The following CYTH3 variants were observed in gnomAD, a reference collection of about 807,000 sequenced individuals.
CYTH3 encodes the protein cytohesin-3.
Under a neutral mutation model 55.1 loss-of-function variants are expected in CYTH3, and 23 were observed. The observed-to-expected ratio is 0.42, with a 90% CI of 0.30 to 0.59. CYTH3 has a LOEUF of 0.59. Among genes scored for constraint, CYTH3 ranks in the 20% least tolerant of loss-of-function variants. The pLI is 0.20. For missense variants in CYTH3, 413 were observed against 524.8 expected (o/e 0.79, Z 2.08); for synonymous variants, 249 against 194.9 (o/e 1.28, Z -2.31).
At chr7:6,182,482 G>C (rs1261456260) in intron 4 of CYTH3, among the ~76,000 whole-genome samples, 1 of 152,130 alleles carries the variant, frequency 6.6e-6, no homozygotes, top group East Asian at 1.9e-4. Context: ...CCAGTAGTTG[G>C]ACTACAGGCA....
chr7:6,227,078 TAA>T (rs397755364), intron 1 of CYTH3, among the ~76,000 whole-genome samples: 8 of 112,834 alleles, frequency 7.1e-5, no homozygotes, highest in Non-Finnish European at 7.7e-5. Context: ...AGACTCTGTC[TAA>T]AAAAAAAAAA....
At chr7:6,246,574 T>A (rs543709875) in intron 1 of CYTH3, among the ~76,000 whole-genome samples, 48 of 152,234 alleles carry the variant, frequency 3.2e-4, no homozygotes, top group South Asian at 2.9e-3. Context: ...AATTTTTTTT[T>A]AAAACCATAC....
chr7:6,218,117 T>G (rs562830308), intron 1 of CYTH3, among the ~76,000 whole-genome samples: 17 of 148,944 alleles, frequency 1.1e-4, no homozygotes, highest in African/African-American at 4.2e-4. Context: ...AGGTGGGAGG[T>G]TGCAGTGAGC....
intron 1 of CYTH3, among the ~76,000 whole-genome samples, chr7:6,259,757 T>TAATATATATATATATAA (rs1554255069): frequency 5.3e-5 from 2 of 37,466 alleles, no homozygotes; most frequent in Non-Finnish European, 7.4e-5. Flanking sequence ...TATATATATA[T>TAATATATATATATATAA]TATATATATA....
At position 6,164,828 on chromosome 7, in the gene CYTH3, G is replaced by T; in HGVS notation, c.*116C>A. On this transcript the variant is annotated 3_prime_UTR_variant, in exon 13 of 13. Transcript: ENST00000350796. ...CACCTGGGCCACGGTATGCTCTGGA[G>T]CAGCAGCTTGCACCGCAGGGCGACT... 1 of 1,150,094 alleles carries T rather than the reference G, an allele frequency of 8.7e-7. No individual in the cohort carries two copies. Among genetic ancestry groups the T allele is most frequent in the Non-Finnish European group, 1.3e-6 (1 of 771,960 alleles). 71.2% of individuals were successfully genotyped at this position (1,150,094 alleles called of 1,614,324 possible).
chr7:6,201,653 T>C (rs1291571107), intron 1 of CYTH3, among the ~76,000 whole-genome samples: 1 of 152,132 alleles, frequency 6.6e-6, no homozygotes, highest in Middle Eastern at 3.2e-3. Flanking sequence ...CTGTGTAAGA[T>C]AACAACATCT....
intron 1 of CYTH3, among the ~76,000 whole-genome samples, chr7:6,196,263 C>T (rs1554359606): frequency 1.3e-5 from 2 of 151,896 alleles, no homozygotes; most frequent in Non-Finnish European, 2.9e-5. Context: ...GGAGAAGAAA[C>T]ACAAAGAAAT....
intron 1 of CYTH3, among the ~76,000 whole-genome samples, chr7:6,269,932 T>A (rs1346846228): frequency 6.6e-6 from 1 of 152,218 alleles, no homozygotes; most frequent in African/African-American, 2.4e-5. Context: ...AATAGATTAT[T>A]TACCCTATCT....
intron 5 of CYTH3, among the ~76,000 whole-genome samples, chr7:6,174,437 C>G (rs1783279626): frequency 6.6e-6 from 1 of 151,590 alleles, no homozygotes; most frequent in East Asian, 1.9e-4. Flanking sequence ...ATCTTATCAG[C>G]AATGAATAAG....
intron 4 of CYTH3, 59 bp downstream of exon 4, chr7:6,186,991 G>T: frequency 6.5e-7 from 1 of 1,540,132 alleles, no homozygotes; most frequent in Non-Finnish European, 9.0e-7. Context: ...AAGGGAAACG[G>T]CAGTTCAAAT....
rs753305450 is a variant in CYTH3, at chr7:6,237,979, G to A, written c.34+34495C>T. Among the ~76,000 whole-genome samples, 7 of 152,254 alleles carry A rather than the reference G, an allele frequency of 4.6e-5. No homozygotes were observed. The South Asian group carries it at 8.3e-4, about 18-fold the overall frequency. On this transcript the variant is annotated intron_variant, in intron 1 of 12. Coordinates refer to ENST00000350796, the MANE Select transcript of CYTH3 (RefSeq NM_004227.4). ...CAAATCAGTTTGGCTGAGATGTTAC[G>A]CAATGAGTATAGAGTCAGCTATAGG...
chr7:6,244,725 A>T (rs1779758847), intron 1 of CYTH3, among the ~76,000 whole-genome samples: 1 of 152,168 alleles, frequency 6.6e-6, no homozygotes, highest in Non-Finnish European at 1.5e-5. Flanking sequence ...CAAAACCTTG[A>T]AAGAAAGTTT....
intron 1 of CYTH3, among the ~76,000 whole-genome samples, chr7:6,200,496 C>T (rs1228663144): frequency 6.6e-6 from 1 of 152,164 alleles, no homozygotes; most frequent in Non-Finnish European, 1.5e-5. Context: ...TTTCTGGCTA[C>T]CTAGTCCTAA....
chr7:6,198,544 C>A (rs1407613226), intron 1 of CYTH3, among the ~76,000 whole-genome samples: 6 of 152,196 alleles, frequency 3.9e-5, no homozygotes, highest in Admixed American at 3.9e-4. Context: ...AACAAACCAG[C>A]CTTCAATCAA....
In CYTH3 at chr7:6,170,617, T is replaced by C. The variant is rs765628127; in HGVS notation, c.741A>G (p.Pro247=). 5.6e-6 allele frequency: 9 copies of C among 1,613,964 alleles called. No homozygotes were observed. The highest frequency in any genetic ancestry group is 7.6e-6 in the Non-Finnish European group (9 of 1,179,902). Residue 247 remains proline, a synonymous_variant, in exon 9 of 13, where the codon CCA becomes CCG. Coordinates refer to ENST00000350796, the MANE Select transcript of CYTH3 (RefSeq NM_004227.4). The surrounding 1 kb of genome is among the most constrained non-coding windows in gnomAD (Gnocchi z 7.8). ...TCCCGTCGTCCTCCGGGATCTTAAA[T>C]GGCTCGTTCTTAATGCTCTCATACA... ...RNLYESIKNE[P]FKIPEDDGND...
chr7:6,172,666 T>G, intron 6 of CYTH3: 1 of 1,029,870 alleles, frequency 9.7e-7, no homozygotes, highest in Non-Finnish European at 1.2e-6. Flanking sequence ...CGCCAGAGAC[T>G]GATGGACTGA....
At position 6,221,937 on chromosome 7, in the gene CYTH3, G is replaced by C. The variant is rs6975101; in HGVS notation, c.35-31406C>G. On this transcript the variant is annotated intron_variant, in intron 1 of 12. Coordinates refer to ENST00000350796, the MANE Select transcript of CYTH3 (RefSeq NM_004227.4). The stretch of plus-strand genomic sequence containing the variant: ...ACTGCACTCCAGCATGGGTAACAGA[G>C]CAAGACGCTGTCAAAAAAACAAAAA... Among the ~76,000 whole-genome samples, 552 of 152,286 alleles carry C rather than the reference G, an allele frequency of 3.6e-3. 7 individuals carry two copies. The highest frequency in any genetic ancestry group is 0.012 in the African/African-American group (513 of 41,554).
At chr7:6,259,792 TATATATATA>T (rs1562417728) in intron 1 of CYTH3, among the ~76,000 whole-genome samples, 1 of 15,012 alleles carries the variant, frequency 6.7e-5, no homozygotes, top group Non-Finnish European at 8.8e-5. Context: ...ATAATATATA[TATATATATA>T]TATATATATA....
In CYTH3 at chr7:6,269,195, G is replaced by C. The variant is rs149368157; in HGVS notation, c.34+3279C>G. ...TCCCTGCAGGGAAAGGGCAAGAAAC[G>C]GATCTGAGCCAACAGGACATGGGCT... is the stretch of plus-strand genomic sequence containing the variant. On this transcript the variant is annotated intron_variant, in intron 1 of 12. Coordinates refer to ENST00000350796, the MANE Select transcript of CYTH3 (RefSeq NM_004227.4). 7.4e-3 allele frequency among the ~76,000 whole-genome samples: 1,129 copies of C among 152,274 alleles called. 19 individuals are homozygous for C. Among genetic ancestry groups the C allele is most frequent in the African/African-American group, 0.025 (1,040 of 41,566 alleles).
Sources: gnomAD v4.1 joint callset for allele counts (sites outside exome capture counted in the v4.1 genomes callset) on GRCh38, gnomAD v4.1.1 for gene constraint, Gnocchi (gnomAD v3.1) non-coding constraint, MANE v1.5 for transcripts, NCBI Gene and HGNC (gene_info 2026-07-23, HGNC 2026-07-21) for gene names.